Variants in B3GNT2 observed in about 807,000 individuals in gnomAD.
The protein encoded by B3GNT2 is N-acetyllactosaminide beta-1,3-N-acetylglucosaminyltransferase 2.
In B3GNT2, 12 loss-of-function variants were observed where a neutral mutation model predicts 27.6. The observed-to-expected ratio is 0.44, with a 90% CI of 0.28 to 0.71. The LOEUF is 0.71. Ranked by LOEUF, B3GNT2 falls within the 30% of genes least tolerant of loss-of-function variation. The pLI, the probability that B3GNT2 is intolerant of heterozygous loss-of-function variation, is 0.17. For missense variants in B3GNT2, 413 were observed against 488.5 expected (o/e 0.85, Z 1.46); for synonymous variants, 192 against 189.7 (o/e 1.01, Z -0.10).
intron 1 of B3GNT2, among the ~76,000 whole-genome samples, chr2:62,209,803 T>C (rs559507842): frequency 6.6e-6 from 1 of 152,228 alleles, no homozygotes; most frequent in East Asian, 1.9e-4. Flanking sequence ...CAGGCTGTGA[T>C]GTTGGAGGGA....
chr2:62,210,070 G>GA (rs761678183), intron 1 of B3GNT2, among the ~76,000 whole-genome samples: 4 of 151,672 alleles, frequency 2.6e-5, no homozygotes, highest in Admixed American at 6.6e-5. Flanking sequence ...AATTTGGAAA[G>GA]AAAAAAAAAT....
At chr2:62,217,103 C>T (rs553554897) in intron 1 of B3GNT2, among the ~76,000 whole-genome samples, 45 of 152,308 alleles carry the variant, frequency 3.0e-4, no homozygotes, top group Admixed American at 1.3e-4. Context: ...TACACTGCCT[C>T]CCATATCTGA....
chr2:62,222,818 T>G lies in B3GNT2; in HGVS notation c.598T>G (p.Phe200Val), dbSNP rs1039816222. The G allele has an allele frequency of 1.9e-6, 3 of 1,614,016 alleles. No homozygotes were observed. The highest frequency in any genetic ancestry group is 2.7e-5 in the African/African-American group (2 of 74,962). Residue 200 changes from phenylalanine to valine, a missense_variant, in exon 2 of 2, where the codon TTT becomes GTT. Transcript: ENST00000301998. This position sits in a 1 kb window ranked among gnomAD's most constrained non-coding sequence, Gnocchi z 4.2. ...NHPDLSDMLK[F>V]ESEKHQDILM... ...CCCCGACCTTTCAGATATGCTGAAA[T>G]TTGAGAGTGAGAAGCACCAAGACAT...
At chr2:62,212,597 C>T (rs762074249) in intron 1 of B3GNT2, among the ~76,000 whole-genome samples, 2 of 151,666 alleles carry the variant, frequency 1.3e-5, no homozygotes, top group Non-Finnish European at 2.9e-5. Flanking sequence ...GACTTGCTTG[C>T]CTGTACCCTA....
intron 1 of B3GNT2, among the ~76,000 whole-genome samples, chr2:62,197,090 G>T (rs1330673578): frequency 1.3e-5 from 2 of 152,040 alleles, no homozygotes; most frequent in East Asian, 3.9e-4. Flanking sequence ...AGCCCGAGTC[G>T]TGGGGGTGGG....
chr2:62,219,093 A>G (rs1224271448), intron 1 of B3GNT2, among the ~76,000 whole-genome samples: 1 of 152,202 alleles, frequency 6.6e-6, no homozygotes, highest in Non-Finnish European at 1.5e-5. Flanking sequence ...CTAGATGTAT[A>G]AACTTGTTAA....
intron 1 of B3GNT2, among the ~76,000 whole-genome samples, chr2:62,198,564 CT>C (rs1376806435): frequency 6.6e-6 from 1 of 152,134 alleles, no homozygotes; most frequent in East Asian, 1.9e-4. Context: ...TTCTTAAAAC[CT>C]AAGTAGTATT....
At position 62,224,348 on chromosome 2, in the gene B3GNT2, T is replaced by C. The variant is rs897172310; in HGVS notation, c.*934T>C. On this transcript the variant is annotated 3_prime_UTR_variant, in exon 2 of 2. Transcript: ENST00000301998. ...ACATGCTGCTTATACAAGATTATTA[T>C]TGAGTAGTAACTGCTTCCCTGTCTA... 1.8e-5 allele frequency: 3 copies of C among 167,082 alleles called. No homozygotes were observed. Among genetic ancestry groups the C allele is most frequent in the African/African-American group, 4.8e-5 (2 of 41,452 alleles). The allele number at this position is 167,082 out of a possible 1,614,324, so 10.3% of individuals were successfully genotyped here. A position where few individuals can be genotyped will look rare whatever the true frequency, so the allele number is the denominator to read the frequency against.
At chr2:62,218,304 G>A (rs1241524867) in intron 1 of B3GNT2, among the ~76,000 whole-genome samples, 1 of 152,198 alleles carries the variant, frequency 6.6e-6, no homozygotes, top group African/African-American at 2.4e-5. Flanking sequence ...ACAAGTGCAC[G>A]ATGACATTTA....
chr2:62,217,936 G>A (rs1306424901), intron 1 of B3GNT2, among the ~76,000 whole-genome samples: 1 of 152,152 alleles, frequency 6.6e-6, no homozygotes, highest in Non-Finnish European at 1.5e-5. Flanking sequence ...AAACTGTTCT[G>A]TCCCTGTTGG....
chr2:62,199,137 C>T (rs921746645), intron 1 of B3GNT2, among the ~76,000 whole-genome samples: 18 of 152,116 alleles, frequency 1.2e-4, no homozygotes, highest in Admixed American at 2.6e-4. Context: ...GACAGGGTTT[C>T]ACTGTGTTGG....
At chr2:62,211,898 G>A (rs1674488468) in intron 1 of B3GNT2, among the ~76,000 whole-genome samples, 1 of 152,174 alleles carries the variant, frequency 6.6e-6, no homozygotes, top group South Asian at 2.1e-4. Context: ...TGACTAAAGG[G>A]CTGTCACGTA....
chr2:62,213,218 C>T (rs1674512695), intron 1 of B3GNT2, among the ~76,000 whole-genome samples: 1 of 152,122 alleles, frequency 6.6e-6, no homozygotes, highest in East Asian at 1.9e-4. Context: ...GTGGAAGGAT[C>T]GCTTGGGCCT....
intron 1 of B3GNT2, among the ~76,000 whole-genome samples, chr2:62,211,655 T>C (rs72893859): frequency 0.029 from 4,363 of 152,254 alleles, 203 homozygotes; most frequent in African/African-American, 0.098. Flanking sequence ...GCAGCATTTG[T>C]GAAGCAGCCA....
At chr2:62,221,805 G>A (rs920848988) in intron 1 of B3GNT2, 1 of 515,376 alleles carries the variant, frequency 1.9e-6, no homozygotes, top group Non-Finnish European at 3.8e-6. Flanking sequence ...AGGCAAATCG[G>A]TTTGCCAAGC....
intron 1 of B3GNT2, among the ~76,000 whole-genome samples, chr2:62,217,042 G>C (rs971946090): frequency 6.6e-6 from 1 of 152,210 alleles, no homozygotes; most frequent in Admixed American, 6.5e-5. Context: ...AGTGGGGGCT[G>C]CATTTTGCCC....
chr2:62,203,960 A>G (rs2104187853), intron 1 of B3GNT2, among the ~76,000 whole-genome samples: 1 of 152,362 alleles, frequency 6.6e-6, no homozygotes, highest in East Asian at 1.9e-4. Flanking sequence ...TGAACTCATG[A>G]ATATGAAAGT....
chr2:62,209,799 G>A (rs538148757), intron 1 of B3GNT2, among the ~76,000 whole-genome samples: 17 of 152,174 alleles, frequency 1.1e-4, no homozygotes, highest in Middle Eastern at 3.2e-3. Context: ...ACTGCAGGCT[G>A]TGATGTTGGA....
chr2:62,214,871 A>T (rs1674543318), intron 1 of B3GNT2, among the ~76,000 whole-genome samples: 1 of 152,102 alleles, frequency 6.6e-6, no homozygotes, highest in African/African-American at 2.4e-5. Flanking sequence ...CCATCCTCAA[A>T]CGTCTGCTAC....
Sources: gnomAD v4.1 joint callset for allele counts (sites outside exome capture counted in the v4.1 genomes callset) on GRCh38, gnomAD v4.1.1 for gene constraint, Gnocchi (gnomAD v3.1) non-coding constraint, MANE v1.5 for transcripts, NCBI Gene and HGNC (gene_info 2026-07-23, HGNC 2026-07-21) for gene names.